Variants in CALN1 observed in about 807,000 individuals in gnomAD.
CALN1 encodes the protein calcium-binding protein 8.
CALN1 carries 17 observed loss-of-function variants against 30.6 expected under a neutral mutation model. The observed-to-expected ratio is 0.56, with a 90% CI of 0.38 to 0.83. The LOEUF (loss-of-function observed/expected upper bound fraction) is 0.83, where lower values mean the gene tolerates loss of function less well. Ranked by LOEUF, CALN1 falls within the 40% of genes least tolerant of loss-of-function variation. The pLI, the probability that CALN1 is intolerant of heterozygous loss-of-function variation, is 0.00. For missense variants in CALN1, 291 were observed against 354.9 expected, an observed-to-expected ratio of 0.82 and a Z score of 1.45; for synonymous variants, 156 against 131.4, an observed-to-expected ratio of 1.19 and a Z score of -1.28.
At chr7:72,069,180 C>T (rs569030017) in intron 4 of CALN1, among the ~76,000 whole-genome samples, 1 of 152,266 alleles carries the variant, frequency 6.6e-6, no homozygotes, top group South Asian at 2.1e-4. Context: ...TCAGGAGAAC[C>T]ACTGCAACTG....
intron 3 of CALN1, among the ~76,000 whole-genome samples, chr7:72,257,866 G>T (rs1172307210): frequency 6.6e-6 from 1 of 152,190 alleles, no homozygotes; most frequent in Non-Finnish European, 1.5e-5. Flanking sequence ...AACTCAGGAA[G>T]GGAAAGCAAA....
intron 5 of CALN1, among the ~76,000 whole-genome samples, chr7:71,919,823 C>T (rs1037164944): frequency 3.3e-5 from 5 of 152,160 alleles, no homozygotes; most frequent in East Asian, 1.9e-4. Context: ...CAGTGGTCCG[C>T]GAGGACCTAG....
chr7:72,439,618 C>T (rs953373670), intron 1 of CALN1, among the ~76,000 whole-genome samples: 1 of 148,086 alleles, frequency 6.8e-6, no homozygotes, highest in Non-Finnish European at 1.5e-5. Context: ...CGCTTTGTCG[C>T]CCGGGCTGGA....
chr7:72,341,716 C>CT (rs2129558809), intron 2 of CALN1, among the ~76,000 whole-genome samples: 1 of 152,246 alleles, frequency 6.6e-6, no homozygotes, highest in South Asian at 2.1e-4. Context: ...TCTCATTGCC[C>CT]TCATCTATAA....
chr7:72,194,083 T>TG (rs1353565053), intron 3 of CALN1, among the ~76,000 whole-genome samples: 1 of 152,168 alleles, frequency 6.6e-6, no homozygotes, highest in Non-Finnish European at 1.5e-5. Context: ...AAAACCCACC[T>TG]GTTCCCCAAA....
chr7:72,299,861 G>A (rs1799134829), intron 2 of CALN1, among the ~76,000 whole-genome samples: 1 of 151,732 alleles, frequency 6.6e-6, no homozygotes, highest in Non-Finnish European at 1.5e-5. Context: ...CAATGGGGGA[G>A]AGTTTTTGTT....
At chr7:72,325,418 T>C (rs1254183253) in intron 2 of CALN1, among the ~76,000 whole-genome samples, 2 of 152,194 alleles carry the variant, frequency 1.3e-5, no homozygotes, top group East Asian at 3.9e-4. Context: ...CTGGCCAACA[T>C]AGGGAAACCC....
At chr7:72,400,042 C>G (rs1350175623) in intron 2 of CALN1, among the ~76,000 whole-genome samples, 1 of 152,176 alleles carries the variant, frequency 6.6e-6, no homozygotes, top group Admixed American at 6.5e-5. Flanking sequence ...ATTAGGCCAT[C>G]CCCTTCTTGT....
chr7:72,421,369 G>A (rs1349249426), intron 1 of CALN1, among the ~76,000 whole-genome samples: 2 of 151,946 alleles, frequency 1.3e-5, no homozygotes, highest in South Asian at 2.1e-4. Context: ...ATGGAAAACC[G>A]AAAGAATAAT....
At chr7:72,080,293 T>C (rs1805044866) in intron 4 of CALN1, among the ~76,000 whole-genome samples, 2 of 152,182 alleles carry the variant, frequency 1.3e-5, no homozygotes, top group South Asian at 2.1e-4. Flanking sequence ...GCCTTATCTT[T>C]GGGGAAGTGG....
intron 1 of CALN1, among the ~76,000 whole-genome samples, chr7:72,404,417 CAAT>C (rs1329032457): frequency 1.3e-5 from 2 of 152,186 alleles, no homozygotes; most frequent in Non-Finnish European, 2.9e-5. Flanking sequence ...TAAAAACAAA[CAAT>C]AATAAAGACA....
rs1468068029 is a variant in CALN1 at position 72,274,682 on chromosome 7, CT to C, written c.244+4003del. The stretch of plus-strand genomic sequence containing the variant: ...AAACTTCCTGGATAGACGTAAGCTC[CT>C]TGGAAAGAGGCAATGAATATTATGC... On this transcript the variant is annotated intron_variant, in intron 3 of 6. Coordinates refer to ENST00000395275, the MANE Select transcript of CALN1 (RefSeq NM_031468.4). Among the ~76,000 whole-genome samples the C allele has an allele frequency of 2.0e-5, 3 of 152,074 alleles. No homozygotes were observed. In the East Asian group the frequency reaches 5.8e-4, roughly 29 times the overall value.
At chr7:71,793,798 C>G (rs1786722035) in intron 6 of CALN1, among the ~76,000 whole-genome samples, 1 of 152,108 alleles carries the variant, frequency 6.6e-6, no homozygotes, top group Non-Finnish European at 1.5e-5. Context: ...ATCACTTGAA[C>G]CCAGGAGGCA....
chr7:72,163,250 A>C (rs919046236), intron 3 of CALN1, among the ~76,000 whole-genome samples: 1 of 152,204 alleles, frequency 6.6e-6, no homozygotes, highest in African/African-American at 2.4e-5. Context: ...GAGCATAAGA[A>C]CAAATTTCTA....
At chr7:72,038,441 T>G (rs1801933909) in intron 4 of CALN1, among the ~76,000 whole-genome samples, 1 of 151,750 alleles carries the variant, frequency 6.6e-6, no homozygotes, top group Non-Finnish European at 1.5e-5. Context: ...AGTGGTGTGA[T>G]CACAGCTCAC....
rs1267967729 is a variant in CALN1 at position 72,023,671 on chromosome 7, T to C, written c.487A>G (p.Ser163Gly). The C allele has an allele frequency of 3.7e-6, 6 of 1,613,510 alleles. No homozygotes were observed. Among genetic ancestry groups the C allele is most frequent in the Non-Finnish European group, 4.2e-6 (5 of 1,179,652 alleles). The change falls in exon 5 of 7, where the codon AGC becomes GGC. Residue 163 changes from serine (S) to glycine (G), a missense_variant. Around this residue, in one of 2 missense-constraint regions of CALN1, gnomAD observed 169 missense variants for 251.7 expected, o/e 0.67. Coordinates refer to ENST00000395275, the MANE Select transcript of CALN1 (RefSeq NM_031468.4). ...RDGFLGNTID[S>G]IFWQFDMQRI... The stretch of plus-strand genomic sequence containing the variant: ...TTCTTACTCACCTGCCAGAATATGC[T>C]GTCTATCGTGTTCCCAAGAAAACCA...
chr7:71,871,308 A>G (rs1791912055), intron 5 of CALN1, among the ~76,000 whole-genome samples: 2 of 152,200 alleles, frequency 1.3e-5, no homozygotes, highest in South Asian at 2.1e-4. Context: ...CCTTTTTCCA[A>G]TTAGCGTGAA....
At position 72,368,316 on chromosome 7, in the gene CALN1, C is replaced by T. The variant is rs111355348; in HGVS notation, c.119+34935G>A. On this transcript the variant is annotated intron_variant, in intron 2 of 6. Transcript: ENST00000395275. ...TATTCAGTTTGTGGAAAGCTGTACACTTGTGATTTGTGCACTTTTTACATA... is the reference window on the plus strand; with the variant it reads ...TATTCAGTTTGTGGAAAGCTGTACATTTGTGATTTGTGCACTTTTTACATA... Among the ~76,000 whole-genome samples the T allele has an allele frequency of 8.9e-3, 1,351 of 151,170 alleles. 19 individuals are homozygous for T. The highest frequency in any genetic ancestry group is 0.031 in the African/African-American group (1,276 of 41,102).
At chr7:71,806,273 C>CACATGCACACACACAA (rs869283718) in intron 6 of CALN1, among the ~76,000 whole-genome samples, 1 of 149,798 alleles carries the variant, frequency 6.7e-6, no homozygotes, top group African/African-American at 2.5e-5. Context: ...CACACACAAA[C>CACATGCACACACACAA]ACACACACAC....
Sources: gnomAD v4.1 joint callset for allele counts (sites outside exome capture counted in the v4.1 genomes callset) on GRCh38, gnomAD v4.1.1 for gene constraint, gnomAD v4.1.1 regional missense constraint, MANE v1.5 for transcripts, NCBI Gene and HGNC (gene_info 2026-07-23, HGNC 2026-07-21) for gene names.